Variants in MAB21L3 observed in about 807,000 individuals in gnomAD.
MAB21L3 encodes the protein protein mab-21-like 3.
Under a neutral mutation model 37.7 loss-of-function variants are expected in MAB21L3, and 36 were observed. The observed-to-expected ratio is 0.96, with a 90% CI of 0.73 to 1.26. The LOEUF is 1.26. MAB21L3 is among the 50% of genes most tolerant of loss of function. MAB21L3 has a pLI of 0.00. For synonymous variants in MAB21L3, 186 were observed against 176.8 expected, an observed-to-expected ratio of 1.05 and a Z score of -0.41; for missense variants, 430 against 447.3, an observed-to-expected ratio of 0.96 and a Z score of 0.35.
chr1:116,117,627 C>A (rs902037885), intron 3 of MAB21L3, among the ~76,000 whole-genome samples: 2 of 152,150 alleles, frequency 1.3e-5, no homozygotes, highest in Non-Finnish European at 2.9e-5. Context: ...GCCTCAGGGA[C>A]TCAGCCTCAG....
chr1:116,133,041 C>A, intron 7 of MAB21L3, 91 bp from the exon 8 acceptor site: 1 of 1,087,054 alleles, frequency 9.2e-7, no homozygotes, highest in Non-Finnish European at 1.4e-6. Context: ...TTTCTCCCTC[C>A]TTCCAAGGCC....
At chr1:116,116,288 G>A (rs777939157) in intron 3 of MAB21L3, among the ~76,000 whole-genome samples, 2 of 152,138 alleles carry the variant, frequency 1.3e-5, no homozygotes, top group Non-Finnish European at 1.5e-5. Context: ...CAAATAGCAC[G>A]GTGATGCTGT....
intron 7 of MAB21L3, among the ~76,000 whole-genome samples, chr1:116,132,741 G>C (rs1660103828): frequency 6.6e-6 from 1 of 152,176 alleles, no homozygotes; most frequent in South Asian, 2.1e-4. Flanking sequence ...ATGGGATCCA[G>C]GGCCCTGTGG....
intron 7 of MAB21L3, among the ~76,000 whole-genome samples, chr1:116,129,913 A>G (rs1660021632): frequency 6.6e-6 from 1 of 152,184 alleles, no homozygotes. Flanking sequence ...TGGAGTTCCA[A>G]CATTCTCAAC....
chr1:116,119,961 C>T (rs530760398), intron 3 of MAB21L3, among the ~76,000 whole-genome samples: 2 of 152,152 alleles, frequency 1.3e-5, no homozygotes, highest in Non-Finnish European at 1.5e-5. Flanking sequence ...GGGGTGAGTA[C>T]GGAGGCAAAG....
At chr1:116,121,985 C>G (rs934966951) in intron 4 of MAB21L3, among the ~76,000 whole-genome samples, 1 of 152,186 alleles carries the variant, frequency 6.6e-6, no homozygotes, top group African/African-American at 2.4e-5. Flanking sequence ...TGGCCCATTT[C>G]TCACAACAGA....
At chr1:116,118,253 G>A (rs1952314) in intron 3 of MAB21L3, among the ~76,000 whole-genome samples, 21,790 of 151,904 alleles carry the variant, frequency 0.14, 1,715 homozygotes, top group East Asian at 0.23. Context: ...GTGGTGGCAC[G>A]TGCCTGTAGT....
chr1:116,119,317 T>A (rs569955216), intron 3 of MAB21L3, among the ~76,000 whole-genome samples: 8 of 152,282 alleles, frequency 5.3e-5, no homozygotes, highest in African/African-American at 1.9e-4. Flanking sequence ...ACCCTATATG[T>A]GATATACAAC....
Position 116,112,657 on chromosome 1 carries a change from G to C in MAB21L3, c.42G>C (p.Leu14=), listed in dbSNP as rs776922675. ...LTVGDLEDCL[L]NKVDLRRQQI... ...TGGGAGACTTAGAAGATTGCCTACT[G>C]AATAAGGTAAGGACAGACCCGGTCT... Residue 14 remains leucine, a synonymous_variant, in exon 3 of 8, where the codon CTG becomes CTC. Coordinates refer to ENST00000369500, the MANE Select transcript of MAB21L3 (RefSeq NM_152367.3). 6.8e-6 allele frequency: 11 copies of C among 1,613,546 alleles called. 1 individual carries two copies. In the South Asian group the frequency reaches 8.8e-5, roughly 13 times the overall value.
rs1240680671 is a variant in MAB21L3 at position 116,111,756 on chromosome 1, T to C, written c.-264T>C. 1 of 152,188 alleles carries C rather than the reference T, an allele frequency of 6.6e-6. No homozygotes were observed. The highest frequency in any genetic ancestry group is 1.5e-5 in the Non-Finnish European group (1 of 68,048). 9.4% of individuals were successfully genotyped at this position (152,188 alleles called of 1,614,324 possible). ...AAGGGACCTGTTTACACTGACTTTA[T>C]TTTTACTGCCAGCTTTCAAGTTGGA... On this transcript the variant is annotated 5_prime_UTR_variant, in exon 2 of 8. Transcript: ENST00000369500.
At chr1:116,130,578 C>T (rs955679908) in intron 7 of MAB21L3, among the ~76,000 whole-genome samples, 1 of 152,194 alleles carries the variant, frequency 6.6e-6, no homozygotes. Flanking sequence ...CTTGCCAAAT[C>T]TTCATTTTGA....
intron 4 of MAB21L3, among the ~76,000 whole-genome samples, chr1:116,123,095 C>T (rs964226204): frequency 2.0e-5 from 3 of 152,198 alleles, no homozygotes; most frequent in Admixed American, 6.5e-5. Flanking sequence ...TCAGAGCTTT[C>T]CAGGAGGAGG....
intron 3 of MAB21L3, 143 bp downstream of exon 3, chr1:116,112,806 G>T: frequency 1.3e-6 from 1 of 787,762 alleles, no homozygotes; most frequent in Middle Eastern, 2.3e-4. Context: ...CTATAACAAT[G>T]TTTGGGGGCT....
Position 116,124,113 on chromosome 1 carries a change from G to T in MAB21L3, c.237G>T (p.Leu79=). ...QFLVTVPIKG[L]AGYREAREQH... ...TCGTCACAGTCCCAATAAAAGGCCT[G>T]GCCGGGTACAGGGAGGCCAGGGAGC... The change falls in exon 5 of 8, where the codon CTG becomes CTT. Residue 79 remains leucine, a synonymous_variant. Coordinates refer to ENST00000369500, the MANE Select transcript of MAB21L3 (RefSeq NM_152367.3). 1 of 1,613,598 alleles carries T rather than the reference G, an allele frequency of 6.2e-7. No homozygotes were observed. The highest frequency in any genetic ancestry group is 8.5e-7 in the Non-Finnish European group (1 of 1,179,638).
chr1:116,121,138 A>C, intron 4 of MAB21L3, 66 bp downstream of exon 4: 17 of 1,461,882 alleles, frequency 1.2e-5, no homozygotes, highest in Admixed American at 1.8e-5. Context: ...GGTGAATCTC[A>C]GTGTGTGACA....
At chr1:116,123,306 C>G (rs1659801588) in intron 4 of MAB21L3, among the ~76,000 whole-genome samples, 1 of 152,072 alleles carries the variant, frequency 6.6e-6, no homozygotes, top group Non-Finnish European at 1.5e-5. Flanking sequence ...AGCTTAGAAT[C>G]ATCTCAACAG....
chr1:116,117,923 A>G (rs572320866), intron 3 of MAB21L3, among the ~76,000 whole-genome samples: 10 of 151,096 alleles, frequency 6.6e-5, no homozygotes, highest in African/African-American at 2.4e-4. Flanking sequence ...GATGTGCATG[A>G]CTCCTTTTGG....
chr1:116,122,299 C>T (rs1198753771), intron 4 of MAB21L3, among the ~76,000 whole-genome samples: 2 of 152,200 alleles, frequency 1.3e-5, no homozygotes, highest in Non-Finnish European at 2.9e-5. Flanking sequence ...TAGAATATCA[C>T]TTGCCCAACT....
intron 4 of MAB21L3, 87 bp from the exon 5 acceptor site, chr1:116,123,979 C>T: frequency 7.2e-7 from 1 of 1,395,206 alleles, no homozygotes; most frequent in Non-Finnish European, 9.8e-7. Context: ...AACAGAGCTG[C>T]CTGACGAGAC....
Sources: gnomAD v4.1 joint callset for allele counts (sites outside exome capture counted in the v4.1 genomes callset) on GRCh38, gnomAD v4.1.1 for gene constraint, MANE v1.5 for transcripts, NCBI Gene and HGNC (gene_info 2026-07-23, HGNC 2026-07-21) for gene names.